Variants in TRIP12 observed in about 807,000 individuals in gnomAD.
TRIP12 encodes the protein thyroid hormone receptor interactor 12.
In TRIP12, 25 loss-of-function variants were observed where a neutral mutation model predicts 244.2. That is an observed-to-expected ratio of 0.10 (90% CI 0.07 to 0.14). The LOEUF is 0.14. TRIP12 is among the 10% of genes least tolerant of loss of function. The pLI is 1.00. For synonymous variants in TRIP12, 905 were observed against 873.1 expected (o/e 1.04, Z -0.64); for missense variants, 1,677 against 2,486.4 (o/e 0.67, Z 6.92).
chr2:229,786,270 T>C (rs751023203), intron 33 of TRIP12, among the ~76,000 whole-genome samples: 1 of 152,176 alleles, frequency 6.6e-6, no homozygotes, highest in Non-Finnish European at 1.5e-5. Flanking sequence ...CTGGCTCTGA[T>C]CTGCCAAGAT....
chr2:229,826,399 A>G (rs2051602087), intron 8 of TRIP12, among the ~76,000 whole-genome samples: 1 of 152,200 alleles, frequency 6.6e-6, no homozygotes, highest in African/African-American at 2.4e-5. Context: ...CAAGAAATAA[A>G]TTATGATATT....
chr2:229,843,814 C>T (rs2057021496), intron 4 of TRIP12, among the ~76,000 whole-genome samples: 2 of 151,918 alleles, frequency 1.3e-5, no homozygotes, highest in South Asian at 2.1e-4. Flanking sequence ...TCCCTTAAGC[C>T]CAGGAGTCCA....
At chr2:229,894,636 T>C (rs1382929778) in intron 1 of TRIP12, among the ~76,000 whole-genome samples, 1 of 152,036 alleles carries the variant, frequency 6.6e-6, no homozygotes, top group Non-Finnish European at 1.5e-5. Context: ...GAAAAGAAAA[T>C]CTATACCTGA....
chr2:229,901,041 C>T (rs1255820861), intron 1 of TRIP12, among the ~76,000 whole-genome samples: 2 of 151,024 alleles, frequency 1.3e-5, no homozygotes, highest in Non-Finnish European at 2.9e-5. Context: ...TCAAGCAACT[C>T]TCCTGCCTCA....
chr2:229,876,028 C>T (rs1317333446), intron 2 of TRIP12, among the ~76,000 whole-genome samples: 10 of 152,120 alleles, frequency 6.6e-5, no homozygotes, highest in Admixed American at 5.9e-4. Context: ...AATCCCAGCA[C>T]TTTGGGAGGC....
At chr2:229,798,514 T>C (rs910090963) in intron 23 of TRIP12, among the ~76,000 whole-genome samples, 7 of 148,742 alleles carry the variant, frequency 4.7e-5, no homozygotes, top group African/African-American at 1.7e-4. Context: ...TCCATTGTAA[T>C]GGGTAGAGAA....
chr2:229,791,294 A>C (rs772383771), intron 29 of TRIP12, 43 bp from the exon 30 acceptor site: 3 of 1,609,356 alleles, frequency 1.9e-6, no homozygotes, highest in Admixed American at 3.4e-5. Context: ...TAGATTTTGA[A>C]ACTGATACAA....
chr2:229,812,193 C>T (rs112788391), intron 13 of TRIP12, among the ~76,000 whole-genome samples: 222 of 152,206 alleles, frequency 1.5e-3, no homozygotes, highest in African/African-American at 5.0e-3. Context: ...CGAGATCAAG[C>T]GATCCTCCTG....
chr2:229,827,955 G>C (rs1457997251), intron 8 of TRIP12, among the ~76,000 whole-genome samples: 3 of 152,116 alleles, frequency 2.0e-5, no homozygotes, highest in African/African-American at 7.2e-5. Flanking sequence ...GGCTCTAAAT[G>C]ATAAAAGTAT....
At chr2:229,797,560 T>C in intron 24 of TRIP12, 130 bp downstream of exon 24, 1 of 1,037,192 alleles carries the variant, frequency 9.6e-7, no homozygotes, top group Non-Finnish European at 1.4e-6. Context: ...GCACCAAGGG[T>C]GTATATAAGG....
At chr2:229,880,904 A>T (rs1223900287) in intron 1 of TRIP12, among the ~76,000 whole-genome samples, 2 of 152,204 alleles carry the variant, frequency 1.3e-5, no homozygotes, top group Non-Finnish European at 2.9e-5. Context: ...AGATCATGCC[A>T]CTGGATTCCA....
At chr2:229,906,032 C>T (rs1229616139) in intron 1 of TRIP12, among the ~76,000 whole-genome samples, 2 of 152,212 alleles carry the variant, frequency 1.3e-5, no homozygotes, top group African/African-American at 4.8e-5. Flanking sequence ...TGGCCAGGCG[C>T]AGTGGCTCAC....
chr2:229,819,440 G>A (rs1230004254), intron 8 of TRIP12, among the ~76,000 whole-genome samples: 3 of 152,310 alleles, frequency 2.0e-5, no homozygotes, highest in South Asian at 4.1e-4. Context: ...AGATACGCAG[G>A]AGGCTGAGGC....
chr2:229,828,297 T>C (rs748358293), intron 8 of TRIP12, among the ~76,000 whole-genome samples: 3 of 151,990 alleles, frequency 2.0e-5, no homozygotes, highest in African/African-American at 4.8e-5. Flanking sequence ...AGGTTTCAGA[T>C]ACTTTAAAAT....
chr2:229,869,672 A>G (rs2062188416), intron 2 of TRIP12, among the ~76,000 whole-genome samples: 1 of 152,220 alleles, frequency 6.6e-6, no homozygotes, highest in Non-Finnish European at 1.5e-5. Context: ...TCAACAGATG[A>G]ATGAATATAA....
At position 229,910,889 on chromosome 2, in the gene TRIP12, T is replaced by TA. The variant is rs367892090; in HGVS notation, c.-50+10990dup. On this transcript the variant is annotated intron_variant, in intron 1 of 41. Coordinates refer to ENST00000675903, the MANE Select transcript of TRIP12 (RefSeq NM_001348323.3). ...TGACAGTTGAGAAATAATTAGTAAA[T>TA]AGGTCTGATCACAAAGTTAAGACTA... Among the ~76,000 whole-genome samples the TA allele has an allele frequency of 2.9e-3, 448 of 152,280 alleles. 2 individuals are homozygous for TA. Among genetic ancestry groups the TA allele is most frequent in the African/African-American group, 0.01 (428 of 41,544 alleles).
intron 1 of TRIP12, among the ~76,000 whole-genome samples, chr2:229,898,614 TA>T (rs67601337): frequency 0.013 from 1,977 of 152,250 alleles, 39 homozygotes; most frequent in African/African-American, 0.046. Context: ...TATACAGTAA[TA>T]AAAAAATCAA....
At chr2:229,851,236 C>T (rs1409533946) in intron 4 of TRIP12, among the ~76,000 whole-genome samples, 1 of 152,154 alleles carries the variant, frequency 6.6e-6, no homozygotes, top group African/African-American at 2.4e-5. Context: ...TGTAAATCGG[C>T]ACTCTGTATC....
At chr2:229,905,368 CAA>C (rs1251771701) in intron 1 of TRIP12, among the ~76,000 whole-genome samples, 3 of 151,206 alleles carry the variant, frequency 2.0e-5, no homozygotes, top group Non-Finnish European at 4.4e-5. Context: ...GGCAAAAAGA[CAA>C]AGTCATTTAG....
Sources: allele counts gnomAD v4.1 joint callset (sites outside exome capture counted in the v4.1 genomes callset), GRCh38; gene constraint gnomAD v4.1.1; transcripts MANE v1.5; gene names NCBI Gene and HGNC (gene_info 2026-07-23, HGNC 2026-07-21).